Variants in WDR7 observed in about 807,000 individuals in gnomAD.
The protein encoded by WDR7 is WD repeat domain 7.
In WDR7, 46 loss-of-function variants were observed where a neutral mutation model predicts 169.4. The ratio of observed to expected loss-of-function variants is 0.27; its 90% CI spans 0.21 to 0.35. WDR7 has a LOEUF of 0.35. Among genes scored for constraint, WDR7 ranks in the 10% least tolerant of loss-of-function variants. The pLI, the probability that WDR7 is intolerant of heterozygous loss-of-function variation, is 1.00. For missense variants in WDR7, 1,534 were observed against 1,859.3 expected, an observed-to-expected ratio of 0.83 and a Z score of 3.22; for synonymous variants, 612 against 666.8, an observed-to-expected ratio of 0.92 and a Z score of 1.27.
chr18:56,732,859 A>T (rs1320377678), intron 14 of WDR7, among the ~76,000 whole-genome samples: 1 of 152,206 alleles, frequency 6.6e-6, no homozygotes, highest in African/African-American at 2.4e-5. Flanking sequence ...GATTTTGAGC[A>T]AATTTATAAA....
At chr18:56,893,589 C>G (rs2046293483) in intron 21 of WDR7, among the ~76,000 whole-genome samples, 1 of 152,084 alleles carries the variant, frequency 6.6e-6, no homozygotes, top group Non-Finnish European at 1.5e-5. Flanking sequence ...GCCTGTGTGT[C>G]AAACGGTAGG....
At chr18:56,831,258 G>A (rs1235899008) in intron 20 of WDR7, among the ~76,000 whole-genome samples, 1 of 152,196 alleles carries the variant, frequency 6.6e-6, no homozygotes, top group East Asian at 1.9e-4. Flanking sequence ...CTGTGAATGT[G>A]TATAGAGTGG....
chr18:56,935,038 G>A (rs535228030), intron 22 of WDR7, among the ~76,000 whole-genome samples: 155 of 152,204 alleles, frequency 1.0e-3, no homozygotes, highest in African/African-American at 3.6e-3. Context: ...TAGAGGTGGG[G>A]AGTGAATATA....
chr18:56,720,889 G>C (rs1016185038), intron 13 of WDR7, among the ~76,000 whole-genome samples: 1 of 152,072 alleles, frequency 6.6e-6, no homozygotes, highest in Non-Finnish European at 1.5e-5. Flanking sequence ...CTATAGAGAA[G>C]CTGGATTTAT....
intron 19 of WDR7, among the ~76,000 whole-genome samples, chr18:56,804,951 T>G (rs1228861752): frequency 6.6e-6 from 1 of 152,212 alleles, no homozygotes; most frequent in Non-Finnish European, 1.5e-5. Flanking sequence ...AAGAGAAGTC[T>G]GTCCCAGCTC....
Position 56,962,417 on chromosome 18 carries a change from A to C in WDR7, c.4065-13A>C. 1 of 1,612,028 alleles carries C rather than the reference A, an allele frequency of 6.2e-7. No individual in the cohort carries two copies. Among genetic ancestry groups the C allele is most frequent in the Non-Finnish European group, 8.5e-7 (1 of 1,178,662 alleles). On this transcript the variant is annotated splice_polypyrimidine_tract_variant and intron_variant, in intron 25 of 27. Transcript: ENST00000254442. ...TCTTGTTTTTGTTTTTGTTGTTAAA[A>C]TGTTCAACTCAGGTTCTACATGGTC...
At chr18:56,818,748 G>A (rs1599071036) in intron 20 of WDR7, among the ~76,000 whole-genome samples, 1 of 152,152 alleles carries the variant, frequency 6.6e-6, no homozygotes, top group East Asian at 1.9e-4. Context: ...TGCATTGAGA[G>A]AAATCTGATT....
At chr18:57,024,038 G>A (rs951016433) in intron 27 of WDR7, among the ~76,000 whole-genome samples, 7 of 152,126 alleles carry the variant, frequency 4.6e-5, no homozygotes, top group African/African-American at 1.4e-4. Flanking sequence ...TATTAACTCT[G>A]CTTCTCTTCA....
chr18:56,790,631 TTCTC>T (rs1301373447), intron 19 of WDR7, among the ~76,000 whole-genome samples: 1 of 152,158 alleles, frequency 6.6e-6, no homozygotes, highest in East Asian at 1.9e-4. Flanking sequence ...AATCCATTCT[TTCTC>T]TTCCTGCTTT....
chr18:57,032,691 C>T (rs1358120781), downstream of WDR7: 1 of 154,748 alleles, frequency 6.5e-6, no homozygotes, highest in Non-Finnish European at 1.4e-5. Flanking sequence ...AATCTAATAC[C>T]TGATGATCTG....
chr18:56,990,885 A>G (rs1414075279), intron 26 of WDR7, among the ~76,000 whole-genome samples: 1 of 152,166 alleles, frequency 6.6e-6, no homozygotes, highest in African/African-American at 2.4e-5. Context: ...GGACCTTTGC[A>G]TATGCCATTT....
intron 26 of WDR7, among the ~76,000 whole-genome samples, chr18:57,010,791 G>A (rs991886773): frequency 1.3e-5 from 2 of 152,142 alleles, no homozygotes; most frequent in Non-Finnish European, 2.9e-5. Flanking sequence ...AAGAAAAGGG[G>A]AAAGAAGGGC....
At chr18:56,709,180 T>C (rs1250578138) in intron 12 of WDR7, among the ~76,000 whole-genome samples, 4 of 152,224 alleles carry the variant, frequency 2.6e-5, no homozygotes, top group African/African-American at 9.6e-5. Flanking sequence ...GTTATAAAGC[T>C]TTATTAATGT....
At chr18:56,814,063 G>T (rs1469938910) in intron 19 of WDR7, among the ~76,000 whole-genome samples, 2 of 152,160 alleles carry the variant, frequency 1.3e-5, no homozygotes, top group African/African-American at 4.8e-5. Flanking sequence ...AGACTTGGTG[G>T]TAAATTGATA....
chr18:56,878,006 T>C (rs956326860), intron 20 of WDR7, among the ~76,000 whole-genome samples: 4 of 152,186 alleles, frequency 2.6e-5, no homozygotes, highest in African/African-American at 7.2e-5. Flanking sequence ...TGGATGCTTA[T>C]AATATTGCAT....
At chr18:56,674,251 T>A (rs2025196737) in intron 2 of WDR7, among the ~76,000 whole-genome samples, 1 of 152,226 alleles carries the variant, frequency 6.6e-6, no homozygotes. Flanking sequence ...TGCATTCCCA[T>A]CAGCAGTGCA....
At chr18:56,994,486 GCT>G (rs2047868277) in intron 26 of WDR7, among the ~76,000 whole-genome samples, 2 of 152,112 alleles carry the variant, frequency 1.3e-5, no homozygotes, top group African/African-American at 2.4e-5. Context: ...CATTAAATGT[GCT>G]CTCTCATCTT....
intron 26 of WDR7, among the ~76,000 whole-genome samples, chr18:56,972,250 G>A (rs150383424): frequency 7.9e-5 from 12 of 152,284 alleles, no homozygotes; most frequent in African/African-American, 2.9e-4. Context: ...AGTTTGGAAA[G>A]CAATGTGTTC....
rs114240753 is a variant in WDR7, at chr18:57,028,890, A to G, written c.*1683A>G. On this transcript the variant is annotated 3_prime_UTR_variant, in exon 28 of 28. Transcript: ENST00000254442. Reference sequence around the variant, plus strand: ...TACATTGTATTTATAAAGATTATATATGTAGTTTCCAAGGAAGAAACAAAG... The same window carrying G: ...TACATTGTATTTATAAAGATTATATGTGTAGTTTCCAAGGAAGAAACAAAG... 5,324 of 152,766 alleles carry G rather than the reference A, an allele frequency of 0.035. 167 individuals carry two copies. The highest frequency in any genetic ancestry group is 0.075 in the African/African-American group (3,123 of 41,568). 9.5% of individuals were successfully genotyped at this position (152,766 alleles called of 1,614,324 possible). A position where few individuals can be genotyped will look rare whatever the true frequency, so the allele number is the denominator to read the frequency against.
Sources: gnomAD v4.1 joint callset for allele counts (sites outside exome capture counted in the v4.1 genomes callset) on GRCh38, gnomAD v4.1.1 for gene constraint, MANE v1.5 for transcripts, NCBI Gene and HGNC (gene_info 2026-07-23, HGNC 2026-07-21) for gene names.